GRB14: variants seen among roughly 807,000 people sequenced by gnomAD.
GRB14 encodes the protein growth factor receptor bound protein 14, also known as growth factor receptor-bound protein 14.
In GRB14, 38 loss-of-function variants were observed where a neutral mutation model predicts 69.1. The observed-to-expected ratio is 0.55, with a 90% confidence interval of 0.42 to 0.72. The LOEUF (loss-of-function observed/expected upper bound fraction) is 0.72. Among genes scored for constraint, GRB14 ranks in the 30% least tolerant of loss-of-function variants. The pLI is 0.00. For synonymous variants in GRB14, 247 were observed against 241.3 expected (o/e 1.02, Z -0.22); for missense variants, 666 against 666.1 (o/e 1.00, Z 0.00).
chr2:164,565,245 G>A (rs1385695193), intron 2 of GRB14, among the ~76,000 whole-genome samples: 1 of 150,898 alleles, frequency 6.6e-6, no homozygotes, highest in Non-Finnish European at 1.5e-5. Context: ...CCAATCTGGA[G>A]TTCCAGGTAT....
intron 2 of GRB14, among the ~76,000 whole-genome samples, chr2:164,614,819 C>T (rs1402305639): frequency 6.6e-6 from 1 of 152,016 alleles, no homozygotes; most frequent in African/African-American, 2.4e-5. Flanking sequence ...CATACAAGTT[C>T]AGCATGTCCA....
At chr2:164,493,973 T>A (rs959034064) in intron 13 of GRB14, among the ~76,000 whole-genome samples, 1 of 152,106 alleles carries the variant, frequency 6.6e-6, no homozygotes, top group Non-Finnish European at 1.5e-5. Context: ...ACAGAACTTT[T>A]AAAAATGTGT....
intron 2 of GRB14, among the ~76,000 whole-genome samples, chr2:164,569,672 TTCCTCAA>T (rs1306173888): frequency 6.6e-6 from 1 of 152,192 alleles, no homozygotes; most frequent in Non-Finnish European, 1.5e-5. Flanking sequence ...TGAGCTCATA[TTCCTCAA>T]AAGAAAAAAG....
chr2:164,595,384 A>AAAAC (rs534560395), intron 2 of GRB14, among the ~76,000 whole-genome samples: 1 of 152,358 alleles, frequency 6.6e-6, no homozygotes, highest in South Asian at 2.1e-4. Context: ...ACATGCTATG[A>AAAAC]AAACAAACAA....
intron 12 of GRB14, among the ~76,000 whole-genome samples, chr2:164,495,156 G>A (rs1686858604): frequency 6.6e-6 from 1 of 151,968 alleles, no homozygotes; most frequent in Admixed American, 6.6e-5. Flanking sequence ...TGGCTGGGCT[G>A]GTTTCGAACT....
At chr2:164,618,114 A>ACC in intron 2 of GRB14, among the ~76,000 whole-genome samples, 1 of 151,964 alleles carries the variant, frequency 6.6e-6, no homozygotes, top group Non-Finnish European at 1.5e-5. Context: ...CTACAGGTGC[A>ACC]GGCCACCACA....
At chr2:164,575,928 A>G (rs1689241790) in intron 2 of GRB14, among the ~76,000 whole-genome samples, 2 of 152,174 alleles carry the variant, frequency 1.3e-5, no homozygotes, top group South Asian at 4.1e-4. Flanking sequence ...GAGATGTTGC[A>G]GAGCTAAACT....
chr2:164,584,147 A>ATTTTT (rs55883951), intron 2 of GRB14, among the ~76,000 whole-genome samples: 40 of 49,906 alleles, frequency 8.0e-4, no homozygotes, highest in South Asian at 2.0e-3. Context: ...CAGCCTGGCT[A>ATTTTT]TTTTTTTTTT....
chr2:164,557,034 A>T (rs1458111940), intron 2 of GRB14, among the ~76,000 whole-genome samples: 2 of 152,224 alleles, frequency 1.3e-5, no homozygotes, highest in African/African-American at 4.8e-5. Flanking sequence ...GCAAATTTTC[A>T]TGAAACTTAT....
Position 164,574,143 on chromosome 2 carries a change from G to A in GRB14, c.325-26327C>T. On this transcript the variant is annotated intron_variant, in intron 2 of 13. Transcript: ENST00000263915. ...CACTTCCTTAAGTAAATGACATAGA[G>A]TCAGTCTTTACAGTTGATGAGCTGA... 9.3e-6 allele frequency: 6 copies of A among 647,820 alleles called. No individual in the cohort carries two copies. The Admixed American group carries it at 1.5e-4, about 16-fold the overall frequency. The allele number at this position is 647,820 out of a possible 1,614,324, so 40.1% of individuals were successfully genotyped here.
chr2:164,586,306 A>G (rs2105342295), intron 2 of GRB14, among the ~76,000 whole-genome samples: 1 of 152,332 alleles, frequency 6.6e-6, no homozygotes, highest in East Asian at 1.9e-4. Context: ...TCTTTCCTGG[A>G]CAACTCAAAA....
intron 2 of GRB14, among the ~76,000 whole-genome samples, chr2:164,616,287 G>A (rs563030971): frequency 1.3e-4 from 20 of 151,966 alleles, no homozygotes; most frequent in African/African-American, 3.6e-4. Flanking sequence ...TTAGCTGGGC[G>A]TGGTGGCAGG....
At chr2:164,584,901 A>G (rs1229677741) in intron 2 of GRB14, among the ~76,000 whole-genome samples, 1 of 151,986 alleles carries the variant, frequency 6.6e-6, no homozygotes, top group Non-Finnish European at 1.5e-5. Context: ...GTGGAAAAGA[A>G]CTAGAAGAGA....
chr2:164,591,858 C>G (rs1689671963), intron 2 of GRB14, among the ~76,000 whole-genome samples: 1 of 152,004 alleles, frequency 6.6e-6, no homozygotes, highest in Non-Finnish European at 1.5e-5. Flanking sequence ...ACCATAATTC[C>G]CTTGTGTTGT....
chr2:164,533,523 A>G (rs1047861273), intron 3 of GRB14, among the ~76,000 whole-genome samples: 4 of 151,994 alleles, frequency 2.6e-5, no homozygotes, highest in Admixed American at 6.6e-5. Context: ...CCCGGCCCCA[A>G]TTCTTTTATT....
rs16822750 is a variant in GRB14 at position 164,503,765 on chromosome 2, A to G, written c.1024-1430T>C. On this transcript the variant is annotated intron_variant, in intron 8 of 13. Coordinates refer to ENST00000263915, the MANE Select transcript of GRB14 (RefSeq NM_004490.3). ...AACCTCAAACCAACACTTTCACAAG[A>G]AACATGCTGTTTGGCCACCTTTTAT... is the stretch of plus-strand genomic sequence containing the variant. Among the ~76,000 whole-genome samples, 585 of 152,324 alleles carry G rather than the reference A, an allele frequency of 3.8e-3. 2 individuals are homozygous for G. Among genetic ancestry groups the G allele is most frequent in the African/African-American group, 0.013 (551 of 41,578 alleles).
At chr2:164,605,011 G>A (rs571590025) in intron 2 of GRB14, among the ~76,000 whole-genome samples, 28 of 152,232 alleles carry the variant, frequency 1.8e-4, no homozygotes, top group African/African-American at 6.5e-4. Flanking sequence ...TGTAGATTTG[G>A]GAATGGCTAA....
At chr2:164,599,891 GA>G (rs1471751496) in intron 2 of GRB14, among the ~76,000 whole-genome samples, 1 of 152,150 alleles carries the variant, frequency 6.6e-6, no homozygotes, top group Non-Finnish European at 1.5e-5. Context: ...CAACATAGAA[GA>G]GATGCTACTT....
intron 2 of GRB14, among the ~76,000 whole-genome samples, chr2:164,601,311 A>G (rs1171387716): frequency 1.3e-5 from 2 of 152,182 alleles, no homozygotes; most frequent in Admixed American, 1.3e-4. Context: ...ATATTTCATA[A>G]AGGCAGTATA....
Sources: allele counts gnomAD v4.1 joint callset (sites outside exome capture counted in the v4.1 genomes callset), GRCh38; gene constraint gnomAD v4.1.1; transcripts MANE v1.5; gene names NCBI Gene and HGNC (gene_info 2026-07-23, HGNC 2026-07-21).